Variants in RIT2 observed in about 807,000 individuals in gnomAD.
RIT2 encodes the protein GTP-binding protein Rit2.
A neutral mutation model predicts 23.7 loss-of-function variants in RIT2; 24 were observed. The ratio of observed to expected loss-of-function variants is 1.01; its 90% CI spans 0.73 to 1.43. The LOEUF is 1.43. RIT2 is among the 40% of genes most tolerant of loss of function. RIT2 has a pLI of 0.00. For missense variants in RIT2, 236 were observed against 266.9 expected (o/e 0.88, Z 0.81); for synonymous variants, 107 against 91.1 (o/e 1.17, Z -0.99).
At chr18:42,839,976 C>T (rs921190218) in intron 4 of RIT2, among the ~76,000 whole-genome samples, 3 of 152,162 alleles carry the variant, frequency 2.0e-5, no homozygotes, top group South Asian at 2.1e-4. Flanking sequence ...TTTGGATTAA[C>T]GACTGAAAGT....
intron 4 of RIT2, among the ~76,000 whole-genome samples, chr18:42,769,184 T>C (rs1286378603): frequency 2.0e-5 from 3 of 152,132 alleles, no homozygotes. Flanking sequence ...GAGAAAGATA[T>C]ATTCTGATAA....
intron 1 of RIT2, among the ~76,000 whole-genome samples, chr18:43,050,492 G>A (rs1912353789): frequency 6.6e-6 from 1 of 152,098 alleles, no homozygotes; most frequent in African/African-American, 2.4e-5. Context: ...GTGGTGTGGT[G>A]TTATGGTGTT....
At chr18:42,930,693 GT>G (rs1909305027) in intron 3 of RIT2, among the ~76,000 whole-genome samples, 1 of 152,124 alleles carries the variant, frequency 6.6e-6, no homozygotes, top group Non-Finnish European at 1.5e-5. Flanking sequence ...TCTAGTGAGA[GT>G]TAATATTAGA....
At chr18:42,919,631 T>C (rs1909003005) in intron 4 of RIT2, among the ~76,000 whole-genome samples, 1 of 152,014 alleles carries the variant, frequency 6.6e-6, no homozygotes, top group Non-Finnish European at 1.5e-5. Context: ...GGAGAATCAC[T>C]TGAAGCTGGG....
chr18:42,980,699 T>G (rs1910579614), intron 2 of RIT2, among the ~76,000 whole-genome samples: 1 of 152,022 alleles, frequency 6.6e-6, no homozygotes, highest in African/African-American at 2.4e-5. Context: ...GAAAACCCAA[T>G]GAGGAAGGGC....
chr18:43,103,234 G>A (rs1167921866), intron 1 of RIT2, among the ~76,000 whole-genome samples: 1 of 151,932 alleles, frequency 6.6e-6, no homozygotes, highest in African/African-American at 2.4e-5. Context: ...ATATTGCTTA[G>A]TTTTATTTTA....
At chr18:43,102,225 A>G (rs1598785058) in intron 1 of RIT2, among the ~76,000 whole-genome samples, 1 of 152,184 alleles carries the variant, frequency 6.6e-6, no homozygotes, top group Non-Finnish European at 1.5e-5. Context: ...ACATATGTGG[A>G]AACATGTGGC....
At chr18:42,807,893 C>T (rs913223131) in intron 4 of RIT2, among the ~76,000 whole-genome samples, 7 of 151,730 alleles carry the variant, frequency 4.6e-5, no homozygotes, top group Non-Finnish European at 1.0e-4. Context: ...GTGTAGGTAA[C>T]AGTCAATGCT....
At chr18:42,902,803 G>GA (rs1027546135) in intron 4 of RIT2, among the ~76,000 whole-genome samples, 3 of 151,130 alleles carry the variant, frequency 2.0e-5, no homozygotes, top group Admixed American at 6.6e-5. Context: ...TTAATTAAAA[G>GA]AAAAAAATCA....
chr18:42,826,183 T>C (rs1393505200), intron 4 of RIT2, among the ~76,000 whole-genome samples: 1 of 152,006 alleles, frequency 6.6e-6, no homozygotes, highest in African/African-American at 2.4e-5. Flanking sequence ...ACACAAAAAA[T>C]CCTAATTGGG....
intron 3 of RIT2, among the ~76,000 whole-genome samples, chr18:42,929,160 A>G (rs1371595285): frequency 6.6e-6 from 1 of 150,950 alleles, no homozygotes; most frequent in Non-Finnish European, 1.5e-5. Flanking sequence ...AACCCAAGCT[A>G]CAATGAAAAC....
chr18:43,030,646 G>A (rs1911832408), intron 2 of RIT2, among the ~76,000 whole-genome samples: 2 of 152,098 alleles, frequency 1.3e-5, no homozygotes, highest in South Asian at 4.1e-4. Flanking sequence ...AGATGGGTGT[G>A]GCTTAGAAAA....
rs185463350 is a variant in RIT2, at chr18:42,946,416, G to A, written c.235-22653C>T. Among the ~76,000 whole-genome samples the A allele has an allele frequency of 5.3e-5, 8 of 152,110 alleles. No homozygotes were observed. The East Asian group carries it at 1.6e-3, about 30-fold the overall frequency. Reference sequence around the variant, plus strand: ...ATTAAAGACAACACAAAATTCTCGTGTTCAGGAGGCAGTCTACACTCTTAA... The same window carrying A: ...ATTAAAGACAACACAAAATTCTCGTATTCAGGAGGCAGTCTACACTCTTAA... On this transcript the variant is annotated intron_variant, in intron 3 of 4. Transcript: ENST00000326695.
intron 1 of RIT2, among the ~76,000 whole-genome samples, chr18:43,073,095 T>C (rs1912934623): frequency 6.6e-6 from 1 of 151,978 alleles, no homozygotes; most frequent in South Asian, 2.1e-4. Flanking sequence ...ATAACGAGGG[T>C]GTAGAACTCC....
intron 3 of RIT2, among the ~76,000 whole-genome samples, chr18:42,953,805 G>C (rs1909909269): frequency 6.6e-6 from 1 of 152,062 alleles, no homozygotes; most frequent in Non-Finnish European, 1.5e-5. Flanking sequence ...CGAAGTGTGG[G>C]ATTTTAAAAT....
At chr18:42,833,914 G>A (rs1906528755) in intron 4 of RIT2, among the ~76,000 whole-genome samples, 1 of 152,184 alleles carries the variant, frequency 6.6e-6, no homozygotes, top group Admixed American at 6.5e-5. Context: ...GATTAGCTTT[G>A]TGAAGAGGGG....
At chr18:42,969,778 TAG>T (rs987979014) in intron 3 of RIT2, among the ~76,000 whole-genome samples, 3 of 152,114 alleles carry the variant, frequency 2.0e-5, no homozygotes, top group Non-Finnish European at 4.4e-5. Flanking sequence ...TATATTTTGC[TAG>T]AGTTTCACCT....
intron 3 of RIT2, among the ~76,000 whole-genome samples, chr18:42,935,100 C>T (rs1434394346): frequency 6.6e-6 from 1 of 152,122 alleles, no homozygotes; most frequent in African/African-American, 2.4e-5. Context: ...AATAAAGAAA[C>T]AGCTGGGACA....
chr18:42,983,136 T>A (rs923802178), intron 2 of RIT2, among the ~76,000 whole-genome samples: 8 of 151,902 alleles, frequency 5.3e-5, no homozygotes, highest in Non-Finnish European at 1.2e-4. Flanking sequence ...ATCAAAACAA[T>A]ATGATGTGGG....
Sources: gnomAD v4.1 joint callset for allele counts (sites outside exome capture counted in the v4.1 genomes callset) on GRCh38, gnomAD v4.1.1 for gene constraint, MANE v1.5 for transcripts, NCBI Gene and HGNC (gene_info 2026-07-23, HGNC 2026-07-21) for gene names.